RASGEF1C: variants seen among roughly 807,000 people sequenced by gnomAD.
RASGEF1C encodes the protein RasGEF domain family member 1C.
RASGEF1C carries 27 observed loss-of-function variants against 58.1 expected under a neutral mutation model. The observed-to-expected ratio is 0.46, with a 90% CI of 0.34 to 0.64. The LOEUF (loss-of-function observed/expected upper bound fraction) is 0.64, where lower values mean the gene tolerates loss of function less well. RASGEF1C is among the 30% of genes least tolerant of loss of function. The probability of loss-of-function intolerance (pLI) is 0.01; values close to 1 mark genes in which losing one functional copy is unlikely to be tolerated. For missense variants in RASGEF1C, 502 were observed against 605.1 expected, an observed-to-expected ratio of 0.83 and a Z score of 1.79; for synonymous variants, 243 against 246.3, an observed-to-expected ratio of 0.99 and a Z score of 0.13.
At chr5:180,126,266 G>A (rs1561736235) in intron 6 of RASGEF1C, among the ~76,000 whole-genome samples, 1 of 152,162 alleles carries the variant, frequency 6.6e-6, no homozygotes, top group Admixed American at 6.5e-5. Flanking sequence ...AATTAGCCGG[G>A]TGTTGTGGTG....
intron 3 of RASGEF1C, 138 bp from the exon 4 acceptor site, chr5:180,136,653 G>A (rs1187488429): frequency 1.1e-5 from 10 of 895,174 alleles, no homozygotes; most frequent in African/African-American, 1.7e-5. Context: ...GAGGAGGGGG[G>A]TGCGATCCTG....
chr5:180,126,233 C>A (rs538209085), intron 6 of RASGEF1C, among the ~76,000 whole-genome samples: 1 of 152,252 alleles, frequency 6.6e-6, no homozygotes, highest in South Asian at 2.1e-4. Context: ...CGGTGAAACC[C>A]TGTCTCTACT....
intron 12 of RASGEF1C, among the ~76,000 whole-genome samples, chr5:180,109,026 G>A (rs1251484517): frequency 6.6e-6 from 1 of 152,218 alleles, no homozygotes; most frequent in Non-Finnish European, 1.5e-5. Context: ...TTGACTAAAG[G>A]AGTAAATAAA....
chr5:180,183,460 T>TA (rs200904857), intron 1 of RASGEF1C, among the ~76,000 whole-genome samples: 4,254 of 134,798 alleles, frequency 0.032, 194 homozygotes, highest in African/African-American at 0.11. Context: ...GCTAGAATCA[T>TA]AAAAAAAAAC....
intron 1 of RASGEF1C, among the ~76,000 whole-genome samples, chr5:180,190,045 A>G (rs966162413): frequency 6.6e-6 from 1 of 151,718 alleles, no homozygotes; most frequent in Non-Finnish European, 1.5e-5. Flanking sequence ...AAAGGCAAAA[A>G]TCAACTAAAA....
intron 1 of RASGEF1C, among the ~76,000 whole-genome samples, chr5:180,153,191 A>C (rs1332613333): frequency 6.6e-6 from 1 of 152,134 alleles, no homozygotes; most frequent in East Asian, 1.9e-4. Context: ...CACCAAGTGG[A>C]GATTATACAA....
intron 1 of RASGEF1C, among the ~76,000 whole-genome samples, chr5:180,194,002 G>GTGTTTGTTTGTT (rs60364777): frequency 0.032 from 4,716 of 148,818 alleles, 249 homozygotes; most frequent in African/African-American, 0.11. Context: ...ATTCTGTATG[G>GTGTTTGTTTGTT]TGTTTGTTTG....
rs1371250268 is a variant in RASGEF1C at position 180,158,555 on chromosome 5, TTTG to T, written c.-6-20500_-6-20498del. On this transcript the variant is annotated intron_variant, in intron 1 of 13. Coordinates refer to ENST00000361132, the MANE Select transcript of RASGEF1C (RefSeq NM_175062.4). This position sits in a 1 kb window ranked among gnomAD's most constrained non-coding sequence, Gnocchi z 4.0. The stretch of plus-strand genomic sequence containing the variant: ...ATTGTTTTCTGGCTTCTCTCTTAAC[TTTG>T]TAGAATTTTCTTTGTTCCCGTAGGG... Among the ~76,000 whole-genome samples the T allele has an allele frequency of 6.6e-6, 1 of 152,216 alleles. No homozygotes were observed. Among genetic ancestry groups the T allele is most frequent in the Non-Finnish European group, 1.5e-5 (1 of 68,022 alleles).
chr5:180,202,857 C>T (rs1465037108), intron 1 of RASGEF1C, among the ~76,000 whole-genome samples: 2 of 152,116 alleles, frequency 1.3e-5, no homozygotes, highest in African/African-American at 4.8e-5. Flanking sequence ...TGCCCGCCAC[C>T]ACGCCGGGCT....
chr5:180,166,218 A>C (rs1767019191), intron 1 of RASGEF1C, among the ~76,000 whole-genome samples: 1 of 152,122 alleles, frequency 6.6e-6, no homozygotes, highest in Admixed American at 6.5e-5. Flanking sequence ...CCTTGTTTAT[A>C]CTGTAGGTCT....
chr5:180,159,912 C>T (rs1271837813), intron 1 of RASGEF1C, among the ~76,000 whole-genome samples: 1 of 152,228 alleles, frequency 6.6e-6, no homozygotes, highest in African/African-American at 2.4e-5. Context: ...ATGTGAGCTG[C>T]CGTGGCTGCC....
rs1037753184 is a variant in RASGEF1C, at chr5:180,168,539, G to A, written c.-6-30481C>T. Among the ~76,000 whole-genome samples, 4 of 152,122 alleles carry A rather than the reference G, an allele frequency of 2.6e-5. No homozygotes were observed. Among genetic ancestry groups the A allele is most frequent in the African/African-American group, 9.7e-5 (4 of 41,408 alleles). ...TTTCCTGGGGCTCTGCATTTCCGTC[G>A]TCGAGCCAGAAAGCTAGGGCTTTCC... On this transcript the variant is annotated intron_variant, in intron 1 of 13. Coordinates refer to ENST00000361132, the MANE Select transcript of RASGEF1C (RefSeq NM_175062.4). This position sits in a 1 kb window ranked among gnomAD's most constrained non-coding sequence, Gnocchi z 6.0.
chr5:180,190,401 A>T (rs1484465389), intron 1 of RASGEF1C, among the ~76,000 whole-genome samples: 1 of 149,052 alleles, frequency 6.7e-6, no homozygotes, highest in Non-Finnish European at 1.5e-5. Context: ...GAGGCAGGAG[A>T]GTGGCGTGAA....
At chr5:180,146,968 A>T (rs1212468665) in intron 1 of RASGEF1C, among the ~76,000 whole-genome samples, 2 of 152,104 alleles carry the variant, frequency 1.3e-5, no homozygotes, top group Non-Finnish European at 2.9e-5. Context: ...AAGGCTTTTA[A>T]TTACTAATTA....
At chr5:180,205,049 C>T (rs1020138940) in intron 1 of RASGEF1C, among the ~76,000 whole-genome samples, 15 of 152,096 alleles carry the variant, frequency 9.9e-5, no homozygotes, top group African/African-American at 3.4e-4. Flanking sequence ...ATTAGCCTGA[C>T]GTGGTGGCAG....
chr5:180,121,637 T>TCACACACACACACACACACA (rs762495633), intron 6 of RASGEF1C, among the ~76,000 whole-genome samples: 43 of 113,252 alleles, frequency 3.8e-4, no homozygotes, highest in South Asian at 6.5e-4. Flanking sequence ...AAATGTAACT[T>TCACACACACACACACACACA]CACACACACA....
intron 11 of RASGEF1C, among the ~76,000 whole-genome samples, chr5:180,112,587 C>T (rs1225975411): frequency 6.6e-6 from 1 of 152,306 alleles, no homozygotes; most frequent in East Asian, 1.9e-4. Flanking sequence ...CTCGCACCCA[C>T]TGTGTCACCC....
chr5:180,132,358 G>A (rs536852210), intron 4 of RASGEF1C, among the ~76,000 whole-genome samples: 5 of 152,366 alleles, frequency 3.3e-5, no homozygotes, highest in Admixed American at 2.0e-4. Flanking sequence ...CGGCTCTCCA[G>A]GTGCCTCCAA....
chr5:180,126,487 T>C (rs973869061), intron 6 of RASGEF1C, among the ~76,000 whole-genome samples: 7 of 152,180 alleles, frequency 4.6e-5, no homozygotes, highest in African/African-American at 1.7e-4. Context: ...TCAGCATTCC[T>C]AGAGAGTGCT....
Sources: allele counts gnomAD v4.1 joint callset (sites outside exome capture counted in the v4.1 genomes callset), GRCh38; gene constraint gnomAD v4.1.1; non-coding constraint Gnocchi (gnomAD v3.1); transcripts MANE v1.5; gene names NCBI Gene and HGNC (gene_info 2026-07-23, HGNC 2026-07-21).